Variants in CNBD1 observed in about 807,000 individuals in gnomAD.
CNBD1 encodes the protein cyclic nucleotide-binding domain-containing protein 1.
A neutral mutation model predicts 54.4 loss-of-function variants in CNBD1; 71 were observed. The observed-to-expected ratio is 1.30, with a 90% CI of 1.08 to 1.59. The LOEUF (loss-of-function observed/expected upper bound fraction) is 1.59. Ranked by LOEUF, CNBD1 falls within the 40% of genes most tolerant of loss-of-function variation. The pLI is 0.00. For missense variants in CNBD1, 659 were observed against 518.0 expected (o/e 1.27, Z -2.64); for synonymous variants, 182 against 170.7 (o/e 1.07, Z -0.51).
chr8:87,320,213 A>C (rs1174152369), intron 8 of CNBD1, among the ~76,000 whole-genome samples: 3 of 152,080 alleles, frequency 2.0e-5, no homozygotes, highest in African/African-American at 4.8e-5. Context: ...TGTTTGCCTT[A>C]TCAAGTTCAT....
At chr8:86,992,402 T>C (rs1011813239) in intron 4 of CNBD1, among the ~76,000 whole-genome samples, 2 of 152,132 alleles carry the variant, frequency 1.3e-5, no homozygotes, top group African/African-American at 4.8e-5. Flanking sequence ...TAGCAGACAG[T>C]TGGGTCTTAT....
chr8:87,046,259 A>G (rs893677155), intron 4 of CNBD1, among the ~76,000 whole-genome samples: 8 of 152,282 alleles, frequency 5.3e-5, no homozygotes, highest in African/African-American at 1.9e-4. Flanking sequence ...CCAGCAAATC[A>G]AAATAGGCCT....
intron 4 of CNBD1, among the ~76,000 whole-genome samples, chr8:87,185,218 A>G (rs751559026): frequency 1.3e-5 from 2 of 152,224 alleles, no homozygotes; most frequent in Non-Finnish European, 2.9e-5. Context: ...ATAAATATCA[A>G]TGAGATTAAA....
intron 4 of CNBD1, among the ~76,000 whole-genome samples, chr8:86,985,637 A>G (rs1041921546): frequency 5.3e-5 from 8 of 152,190 alleles, no homozygotes; most frequent in African/African-American, 1.7e-4. Flanking sequence ...CCAGTACACC[A>G]TTGAATAACA....
At chr8:87,028,053 CACA>C (rs993353837) in intron 4 of CNBD1, among the ~76,000 whole-genome samples, 4 of 152,164 alleles carry the variant, frequency 2.6e-5, no homozygotes, top group Non-Finnish European at 5.9e-5. Context: ...ACACACAACA[CACA>C]ACACACAATT....
intron 10 of CNBD1, among the ~76,000 whole-genome samples, chr8:87,360,944 A>G (rs934681238): frequency 4.6e-5 from 7 of 151,920 alleles, no homozygotes; most frequent in African/African-American, 1.7e-4. Flanking sequence ...GGCAATAAAT[A>G]TATTCATATT....
intron 4 of CNBD1, among the ~76,000 whole-genome samples, chr8:86,960,317 C>T (rs111760622): frequency 1.4e-4 from 22 of 152,234 alleles, no homozygotes; most frequent in East Asian, 5.8e-4. Context: ...TCTTAGCAAA[C>T]GGCACACCAG....
intron 1 of CNBD1, among the ~76,000 whole-genome samples, chr8:86,884,988 C>A: frequency 6.6e-6 from 1 of 152,156 alleles, no homozygotes. Context: ...TGCCTCCTAG[C>A]CACTCAGATA....
chr8:87,398,896 T>C (rs1410820438), intron 2 of CNBD1, among the ~76,000 whole-genome samples: 1 of 152,032 alleles, frequency 6.6e-6, no homozygotes, highest in Non-Finnish European at 1.5e-5. Flanking sequence ...AAAACCACTA[T>C]CAGACCCACC....
intron 6 of CNBD1, among the ~76,000 whole-genome samples, chr8:87,281,669 A>C (rs1463966918): frequency 6.8e-6 from 1 of 147,536 alleles, no homozygotes; most frequent in Admixed American, 6.9e-5. Flanking sequence ...TTATTTCTAC[A>C]AGGTAGATTC....
At chr8:87,378,634 C>T (rs1468069767) in intron 10 of CNBD1, among the ~76,000 whole-genome samples, 2 of 137,872 alleles carry the variant, frequency 1.5e-5, no homozygotes, top group Admixed American at 7.0e-5. Context: ...CTTGGCTCTG[C>T]AGGCTCTTTT....
chr8:86,905,158 C>T lies in CNBD1; in HGVS notation c.236C>T (p.Pro79Leu), dbSNP rs1808999085. The change falls in exon 3 of 11, where the codon CCC becomes CTC. Residue 79 changes from proline to leucine, a missense_variant. Physicochemically the swap from Pro to Leu is moderately conservative, Grantham distance 98. Transcript: ENST00000518476. Reference sequence around the variant, plus strand: ...CCTAAAGTATTCCTGCACCAAAAACCCAGACTTCCTAAACTTTTCAAACAG... The same window carrying T: ...CCTAAAGTATTCCTGCACCAAAAACTCAGACTTCCTAAACTTTTCAAACAG... ...QYPKVFLHQK[P>L]RLPKLFKQEE... 1.2e-6 allele frequency: 2 copies of T among 1,611,322 alleles called. No individual in the cohort carries two copies. The highest frequency in any genetic ancestry group is 1.7e-6 in the Non-Finnish European group (2 of 1,178,018).
intron 4 of CNBD1, among the ~76,000 whole-genome samples, chr8:87,087,635 T>C (rs1318569047): frequency 6.6e-6 from 1 of 151,912 alleles, no homozygotes; most frequent in Non-Finnish European, 1.5e-5. Context: ...GGCTATTTTT[T>C]TTTTGTATTT....
intron 4 of CNBD1, among the ~76,000 whole-genome samples, chr8:87,096,126 G>C (rs977993841): frequency 6.6e-6 from 1 of 152,170 alleles, no homozygotes. Flanking sequence ...TGTAGGAAAT[G>C]AAACACAGTG....
At chr8:87,026,179 A>G (rs1809640824) in intron 4 of CNBD1, among the ~76,000 whole-genome samples, 1 of 152,200 alleles carries the variant, frequency 6.6e-6, no homozygotes, top group African/African-American at 2.4e-5. Flanking sequence ...AAAGAGATCT[A>G]CCTATACTGT....
In CNBD1 at chr8:87,409,558, G is replaced by A. The variant is rs1207404960; in HGVS notation, c.214-18988G>A. 3.3e-5 allele frequency among the ~76,000 whole-genome samples: 5 copies of A among 152,220 alleles called. No individual in the cohort carries two copies. The East Asian group carries it at 7.7e-4, about 24-fold the overall frequency. ...TAGACAAAACAGCCCAATTTTGGAA[G>A]CATATGCCATCTTCAACTTTCATAG... is the stretch of plus-strand genomic sequence containing the variant. On this transcript the variant is annotated intron_variant, in intron 2 of 7. Transcript: ENST00000521593.
At position 87,351,701 on chromosome 8, in the gene CNBD1, A is replaced by G; in HGVS notation, c.1059A>G (p.Gly353=). ...FPPGHVIVES[G]NIISFVGYIN... is the part of the protein sequence containing the mutation. ...TCTTTTCAGTGATAGTGGAAAGTGG[A>G]AATATAATTTCTTTTGTGGGTTATA... The change falls in exon 9 of 11, where the codon GGA becomes GGG. Residue 353 remains glycine (G), a synonymous_variant. Transcript: ENST00000518476. The G allele has an allele frequency of 6.6e-7, 1 of 1,520,974 alleles. No homozygotes were observed. Among genetic ancestry groups the G allele is most frequent in the South Asian group, 1.3e-5 (1 of 75,692 alleles). The allele number at this position is 1,520,974 out of a possible 1,614,324, so 94.2% of individuals were successfully genotyped here. A position where few individuals can be genotyped will look rare whatever the true frequency, so the allele number is the denominator to read the frequency against.
intron 4 of CNBD1, among the ~76,000 whole-genome samples, chr8:87,142,876 G>A (rs1039989175): frequency 7.7e-6 from 1 of 129,742 alleles, no homozygotes; most frequent in East Asian, 2.3e-4. Context: ...AGATTTTCGT[G>A]TGTCTGTGTA....
intron 6 of CNBD1, among the ~76,000 whole-genome samples, chr8:87,248,673 G>A (rs1196525714): frequency 6.6e-6 from 1 of 152,204 alleles, no homozygotes; most frequent in Non-Finnish European, 1.5e-5. Context: ...TGCAATTTAA[G>A]TAGGATTCTT....
Sources: gnomAD v4.1 joint callset for allele counts (sites outside exome capture counted in the v4.1 genomes callset) on GRCh38, gnomAD v4.1.1 for gene constraint, MANE v1.5 for transcripts, NCBI Gene and HGNC (gene_info 2026-07-23, HGNC 2026-07-21) for gene names.